The following FAM13A variants were observed in gnomAD, a reference collection of about 807,000 sequenced individuals.
The protein encoded by FAM13A is protein FAM13A.
FAM13A carries 76 observed loss-of-function variants against 129.6 expected under a neutral mutation model. The ratio of observed to expected loss-of-function variants is 0.59; its 90% CI spans 0.49 to 0.71. The LOEUF (loss-of-function observed/expected upper bound fraction) is 0.71, where lower values mean the gene tolerates loss of function less well. Among genes scored for constraint, FAM13A ranks in the 30% least tolerant of loss-of-function variants. The probability of loss-of-function intolerance (pLI) is 0.00; values close to 1 mark genes in which losing one functional copy is unlikely to be tolerated. For missense variants in FAM13A, 1,108 were observed against 1,249.3 expected, an observed-to-expected ratio of 0.89 and a Z score of 1.70; for synonymous variants, 443 against 449.9, an observed-to-expected ratio of 0.98 and a Z score of 0.20.
At chr4:88,991,701 C>G (rs942203726) in intron 3 of FAM13A, among the ~76,000 whole-genome samples, 1 of 152,162 alleles carries the variant, frequency 6.6e-6, no homozygotes, top group Non-Finnish European at 1.5e-5. Context: ...GGATGCTAAA[C>G]TTAGTGATCA....
chr4:89,053,539 G>C (rs1317908177), intron 1 of FAM13A, among the ~76,000 whole-genome samples: 1 of 152,066 alleles, frequency 6.6e-6, no homozygotes, highest in Non-Finnish European at 1.5e-5. Flanking sequence ...CTTGCGCTAT[G>C]GGATACATGG....
At chr4:88,922,912 C>T (rs1751381691) in intron 5 of FAM13A, among the ~76,000 whole-genome samples, 1 of 152,178 alleles carries the variant, frequency 6.6e-6, no homozygotes, top group Non-Finnish European at 1.5e-5. Flanking sequence ...TCAGAGAATA[C>T]TACAAACACC....
At chr4:89,047,474 T>C (rs1288806010) in intron 1 of FAM13A, among the ~76,000 whole-genome samples, 1 of 152,044 alleles carries the variant, frequency 6.6e-6, no homozygotes, top group Non-Finnish European at 1.5e-5. Flanking sequence ...CTGCAAATAC[T>C]CTCCTAAAAA....
intron 6 of FAM13A, among the ~76,000 whole-genome samples, chr4:88,901,724 G>A (rs1472863954): frequency 1.3e-5 from 2 of 151,754 alleles, no homozygotes; most frequent in Non-Finnish European, 2.9e-5. Context: ...ACCCCAAAGC[G>A]AGCAGAAGAC....
At chr4:88,917,253 C>T (rs1750265648) in intron 5 of FAM13A, among the ~76,000 whole-genome samples, 1 of 152,146 alleles carries the variant, frequency 6.6e-6, no homozygotes. Context: ...GGGAGCCAAC[C>T]TGTGTAGAGA....
intron 6 of FAM13A, 64 bp from the exon 7 acceptor site, chr4:88,851,247 G>A (rs1737525496): frequency 7.2e-7 from 1 of 1,387,736 alleles, no homozygotes. Context: ...TTCAAATTAA[G>A]TTTATGATAA....
chr4:88,986,378 C>T (rs1490004205), intron 4 of FAM13A, among the ~76,000 whole-genome samples: 1 of 152,252 alleles, frequency 6.6e-6, no homozygotes, highest in Non-Finnish European at 1.5e-5. Flanking sequence ...AAGTGATCCG[C>T]CTGCCTCAGC....
chr4:89,028,887 A>G (rs1579843484), intron 2 of FAM13A, among the ~76,000 whole-genome samples: 1 of 152,174 alleles, frequency 6.6e-6, no homozygotes, highest in Non-Finnish European at 1.5e-5. Flanking sequence ...CTCAATAACT[A>G]AATGAGATAT....
In FAM13A at chr4:89,020,679, C is replaced by T; in HGVS notation, c.218-10G>A. The T allele has an allele frequency of 1.3e-6, 2 of 1,586,942 alleles. No individual in the cohort carries two copies. Among genetic ancestry groups the T allele is most frequent in the Non-Finnish European group, 1.7e-6 (2 of 1,155,268 alleles). ...CCTTCTTGGGTAAGTCCTGGAAGAGCAAAGTAGGCACAGAAAATAAATAGG... is the reference window on the plus strand; with the variant it reads ...CCTTCTTGGGTAAGTCCTGGAAGAGTAAAGTAGGCACAGAAAATAAATAGG... On this transcript the variant is annotated splice_polypyrimidine_tract_variant and intron_variant, in intron 2 of 23. Coordinates refer to ENST00000264344, the MANE Select transcript of FAM13A (RefSeq NM_014883.4).
intron 4 of FAM13A, among the ~76,000 whole-genome samples, chr4:88,961,644 C>G (rs2609269): frequency 0.99 from 150,287 of 152,218 alleles, 74,202 homozygotes; most frequent in East Asian, 1. Flanking sequence ...TGGGATTACA[C>G]GCGTGAGCCA....
intron 3 of FAM13A, among the ~76,000 whole-genome samples, chr4:89,017,993 C>A (rs1003687774): frequency 6.6e-6 from 1 of 151,970 alleles, no homozygotes; most frequent in African/African-American, 2.4e-5. Flanking sequence ...TGATTTTATG[C>A]CTTTTCAAAA....
At chr4:88,849,934 T>C (rs1000253939) in intron 7 of FAM13A, among the ~76,000 whole-genome samples, 8 of 152,210 alleles carry the variant, frequency 5.3e-5, no homozygotes, top group Admixed American at 3.3e-4. Flanking sequence ...TAAGTAAGCA[T>C]ATCTACAATA....
At chr4:89,046,024 C>CAAAA (rs34619235) in intron 1 of FAM13A, among the ~76,000 whole-genome samples, 1 of 103,470 alleles carries the variant, frequency 9.7e-6, no homozygotes, top group Non-Finnish European at 2.0e-5. Context: ...AACTCCATCT[C>CAAAA]AAAAAAAAAA....
At chr4:88,995,113 A>G (rs1205825508) in intron 3 of FAM13A, among the ~76,000 whole-genome samples, 3 of 151,646 alleles carry the variant, frequency 2.0e-5, no homozygotes, top group Admixed American at 6.6e-5. Flanking sequence ...CCCAAAATGT[A>G]TATTTGTTGC....
intron 7 of FAM13A, among the ~76,000 whole-genome samples, chr4:88,811,735 T>C (rs1049407467): frequency 6.6e-6 from 1 of 152,214 alleles, no homozygotes; most frequent in Non-Finnish European, 1.5e-5. Context: ...CGCTGAGACA[T>C]GTGTAGAAGT....
intron 1 of FAM13A, among the ~76,000 whole-genome samples, chr4:89,035,712 A>T (rs749990973): frequency 2.0e-4 from 31 of 152,120 alleles, no homozygotes; most frequent in Non-Finnish European, 4.1e-4. Context: ...GAGTCCTCAC[A>T]AGATCGGGTT....
chr4:88,745,077 T>C (rs1041074518), intron 19 of FAM13A, among the ~76,000 whole-genome samples: 2 of 152,196 alleles, frequency 1.3e-5, no homozygotes, highest in African/African-American at 2.4e-5. Context: ...AGGTGAAAAC[T>C]ATCATTTACT....
intron 10 of FAM13A, 105 bp downstream of exon 10, chr4:88,787,647 TG>T (rs2149656827): frequency 2.0e-6 from 2 of 998,546 alleles, no homozygotes; most frequent in Admixed American, 5.1e-5. Flanking sequence ...AATACTGAAA[TG>T]GGAGAGGACC....
intron 5 of FAM13A, among the ~76,000 whole-genome samples, chr4:88,919,318 T>C (rs192365731): frequency 6.6e-6 from 1 of 152,232 alleles, no homozygotes; most frequent in Non-Finnish European, 1.5e-5. Context: ...TTGATTCACC[T>C]GGTAAATTAG....
Sources: gnomAD v4.1 joint callset for allele counts (sites outside exome capture counted in the v4.1 genomes callset) on GRCh38, gnomAD v4.1.1 for gene constraint, MANE v1.5 for transcripts, NCBI Gene and HGNC (gene_info 2026-07-23, HGNC 2026-07-21) for gene names.